The following PHLPP2 variants were observed in gnomAD, a reference collection of about 807,000 sequenced individuals.
PHLPP2 encodes PH domain leucine-rich repeat-containing protein phosphatase 2.
In PHLPP2, 66 loss-of-function variants were observed where a neutral mutation model predicts 124.9. The ratio of observed to expected loss-of-function variants is 0.53; its 90% CI spans 0.43 to 0.65. PHLPP2 has a LOEUF of 0.65. Among genes scored for constraint, PHLPP2 ranks in the 30% least tolerant of loss-of-function variants. PHLPP2 has a pLI of 0.00. For synonymous variants in PHLPP2, 681 were observed against 624.7 expected (o/e 1.09, Z -1.34); for missense variants, 1,685 against 1,600.4 (o/e 1.05, Z -0.90).
Position 71,650,057 on chromosome 16 carries a change from A to G in PHLPP2, c.2818-13T>C. 1 of 1,592,402 alleles carries G rather than the reference A, an allele frequency of 6.3e-7. No homozygotes were observed. Among genetic ancestry groups the G allele is most frequent in the South Asian group, 1.1e-5 (1 of 90,614 alleles). ...TCACTTTGTTGTCCTACAGAAGAGC[A>G]GGACACAAATTCTGAGAAACAAGCA... On this transcript the variant is annotated splice_polypyrimidine_tract_variant and intron_variant, in intron 18 of 18. Transcript: ENST00000568954.
At chr16:71,655,516 T>C in intron 16 of PHLPP2, 82 bp from the exon 17 acceptor site, 1 of 1,121,746 alleles carries the variant, frequency 8.9e-7, no homozygotes. Context: ...TTTTTTTTTT[T>C]TTTTGAGAGG....
intron 2 of PHLPP2, among the ~76,000 whole-genome samples, chr16:71,711,331 C>CAA (rs1052531663): frequency 9.4e-6 from 1 of 106,720 alleles, no homozygotes. Flanking sequence ...AACTCCGTCT[C>CAA]AAAAAAAAAA....
chr16:71,655,706 G>A (rs1198316738), intron 16 of PHLPP2, among the ~76,000 whole-genome samples: 1 of 151,892 alleles, frequency 6.6e-6, no homozygotes, highest in Non-Finnish European at 1.5e-5. Flanking sequence ...TAGCCAGGAT[G>A]GTCTTGATCT....
intron 2 of PHLPP2, among the ~76,000 whole-genome samples, chr16:71,703,652 C>T (rs1197292645): frequency 1.3e-5 from 2 of 152,190 alleles, no homozygotes; most frequent in Non-Finnish European, 2.9e-5. Context: ...AGTCAACTGC[C>T]TGGGTTCAAG....
chr16:71,720,942 A>G (rs2045394670), intron 1 of PHLPP2, among the ~76,000 whole-genome samples: 2 of 152,188 alleles, frequency 1.3e-5, no homozygotes, highest in Non-Finnish European at 2.9e-5. Flanking sequence ...ACTTTAAAAC[A>G]ATATAGACTC....
At position 71,655,408 on chromosome 16, in the gene PHLPP2, TC is replaced by T; in HGVS notation, c.2416del (p.Asp806IlefsTer35). 1 of 1,613,762 alleles carries T rather than the reference TC, an allele frequency of 6.2e-7. No individual in the cohort carries two copies. Among genetic ancestry groups the T allele is most frequent in the Non-Finnish European group, 8.5e-7 (1 of 1,179,888 alleles). On this transcript the variant is annotated frameshift_variant, in exon 17 of 19. Coordinates refer to ENST00000568954, the MANE Select transcript of PHLPP2 (RefSeq NM_015020.3). LOFTEE classifies it high-confidence loss of function. ...NKLCVSALAM[D>X]SFAEGVGAVY... ...AGCTCCCACCCCCTCTGCAAAGCTA[TC>T]CATAGCAAGTGCTGAGACACACAGC...
intron 3 of PHLPP2, among the ~76,000 whole-genome samples, chr16:71,702,012 C>G (rs1160556234): frequency 6.6e-6 from 1 of 152,068 alleles, no homozygotes; most frequent in African/African-American, 2.4e-5. Context: ...GGGGGACTAC[C>G]ATAATGAAGA....
chr16:71,676,403 A>G, intron 9 of PHLPP2, 44 bp downstream of exon 9: 1 of 1,498,130 alleles, frequency 6.7e-7, no homozygotes, highest in Non-Finnish European at 9.3e-7. Context: ...AAGCACTGAC[A>G]ACAGCTGAAA....
At position 71,714,615 on chromosome 16, in the gene PHLPP2, CAGAGGAAGAGGAGGAGGAGGA is replaced by C. The variant is rs1567630627; in HGVS notation, c.160_180del (p.Ser54_Ser60del). ...ACAGTGCAAAGGACGAGATGTAAGT[CAGAGGAAGAGGAGGAGGAGGA>C]AGAGGAAGAGGAGGTGGTGGTGGTT... On this transcript the variant is annotated inframe_deletion, in exon 2 of 19. Transcript: ENST00000568954. 6.2e-7 allele frequency: 1 copy of C among 1,613,956 alleles called. No individual in the cohort carries two copies. The highest frequency in any genetic ancestry group is 1.3e-5 in the African/African-American group (1 of 74,996).
At position 71,697,811 on chromosome 16, in the gene PHLPP2, C is replaced by T. The variant is rs1361917723; in HGVS notation, c.418+4787G>A. Reference sequence around the variant, plus strand: ...TAAGAGGTTTGCTCTTTCTCTCTCTCTCTCTCTTTTTTTTTTTAAGGTGAA... The same window carrying T: ...TAAGAGGTTTGCTCTTTCTCTCTCTTTCTCTCTTTTTTTTTTTAAGGTGAA... On this transcript the variant is annotated intron_variant, in intron 3 of 18. Coordinates refer to ENST00000568954, the MANE Select transcript of PHLPP2 (RefSeq NM_015020.3). Among the ~76,000 whole-genome samples the T allele has an allele frequency of 8.8e-5, 13 of 148,272 alleles. No individual in the cohort carries two copies. The South Asian group carries it at 1.3e-3, about 14-fold the overall frequency.
intron 8 of PHLPP2, chr16:71,676,924 T>C: frequency 2.6e-6 from 1 of 377,374 alleles, no homozygotes; most frequent in South Asian, 2.4e-5. Flanking sequence ...ATTTTTTGTA[T>C]TTTTAGTAGA....
In PHLPP2 at chr16:71,676,511, C is replaced by T; in HGVS notation, c.1407G>A (p.Arg469=). ...TGAGTGTTAGCTCCCTCAGCTGATTCCGCCCACAGTGCAGCTGTTCCAAGC... is the reference window on the plus strand; with the variant it reads ...TGAGTGTTAGCTCCCTCAGCTGATTTCGCCCACAGTGCAGCTGTTCCAAGC... ...LCSLEQLHCG[R]NQLRELTLSG... Residue 469 remains arginine, a synonymous_variant, in exon 9 of 19, where the codon CGG becomes CGA. Transcript: ENST00000568954. 1 of 1,614,194 alleles carries T rather than the reference C, an allele frequency of 6.2e-7. No individual in the cohort carries two copies. The highest frequency in any genetic ancestry group is 1.1e-5 in the South Asian group (1 of 91,086).
At chr16:71,693,066 G>A (rs899249096) in intron 3 of PHLPP2, among the ~76,000 whole-genome samples, 33 of 152,174 alleles carry the variant, frequency 2.2e-4, no homozygotes, top group Admixed American at 2.0e-3. Context: ...TGAGGCGGGC[G>A]GATCACGAGG....
At chr16:71,667,155 G>C in intron 12 of PHLPP2, 23 bp downstream of exon 12, 1 of 1,599,342 alleles carries the variant, frequency 6.3e-7, no homozygotes, top group Non-Finnish European at 8.5e-7. Flanking sequence ...CTGCTCTTCC[G>C]AAAAAAATCC....
intron 5 of PHLPP2, among the ~76,000 whole-genome samples, chr16:71,683,371 T>C (rs1039556932): frequency 6.6e-6 from 1 of 152,200 alleles, no homozygotes; most frequent in Non-Finnish European, 1.5e-5. Context: ...GGAATAATGG[T>C]TTGTGGCAGC....
intron 2 of PHLPP2, among the ~76,000 whole-genome samples, chr16:71,712,349 C>T (rs932249566): frequency 1.3e-5 from 2 of 152,172 alleles, no homozygotes; most frequent in East Asian, 1.9e-4. Context: ...ATGAAGGCTA[C>T]AGGGCACATA....
rs1481109555 is a variant in PHLPP2 at position 71,649,580 on chromosome 16, C to T, written c.3282G>A (p.Gly1094=). 2.0e-5 allele frequency: 33 copies of T among 1,613,666 alleles called. 1 individual carries two copies. In the Admixed American group the frequency reaches 5.2e-4, roughly 25 times the overall value. Residue 1094 remains glycine, a synonymous_variant, in exon 19 of 19, where the codon GGG becomes GGA. Coordinates refer to ENST00000568954, the MANE Select transcript of PHLPP2 (RefSeq NM_015020.3). ...CATTATGCTCATCAGAAGCAGTGGA[C>T]CCCACTTCACTGCTCACCTCTGAGG... ...MSTSEVSSEV[G]STASDEHNAG...
At chr16:71,657,195 G>A (rs541935419) in intron 15 of PHLPP2, among the ~76,000 whole-genome samples, 13 of 151,448 alleles carry the variant, frequency 8.6e-5, no homozygotes, top group South Asian at 4.2e-4. Flanking sequence ...CGCCCGCCTC[G>A]GCCTCCCAAA....
rs1031426770 is a variant in PHLPP2, at chr16:71,644,959, TTTTA to T, written c.*3927_*3930del. The T allele has an allele frequency of 1.3e-5, 4 of 312,860 alleles. No individual in the cohort carries two copies. Among genetic ancestry groups the T allele is most frequent in the South Asian group, 7.8e-5 (3 of 38,426 alleles). 19.4% of individuals were successfully genotyped at this position (312,860 alleles called of 1,614,324 possible). On this transcript the variant is annotated 3_prime_UTR_variant, in exon 19 of 19. Coordinates refer to ENST00000568954, the MANE Select transcript of PHLPP2 (RefSeq NM_015020.3). ...AAGCCATGAAAAAGATTCCACTTTATTTTATTTATTATTGTTATTGTTATTTTTA... is the reference window on the plus strand; with the variant it reads ...AAGCCATGAAAAAGATTCCACTTTATTTTATTATTGTTATTGTTATTTTTA...
Sources: gnomAD v4.1 joint callset for allele counts (sites outside exome capture counted in the v4.1 genomes callset) on GRCh38, gnomAD v4.1.1 for gene constraint, MANE v1.5 for transcripts, NCBI Gene and HGNC (gene_info 2026-07-23, HGNC 2026-07-21) for gene names.